Variants in RORC observed in about 807,000 individuals in gnomAD.
RORC encodes RAR related orphan receptor C, also known as nuclear receptor ROR-gamma.
RORC carries 13 observed loss-of-function variants against 64.5 expected under a neutral mutation model. That is an observed-to-expected ratio of 0.20 (90% CI 0.13 to 0.32). The LOEUF is 0.32. RORC is among the 10% of genes least tolerant of loss of function. RORC has a pLI of 1.00. For missense variants in RORC, 468 were observed against 669.5 expected (o/e 0.70, Z 3.32); for synonymous variants, 277 against 259.3 (o/e 1.07, Z -0.65).
At chr1:151,825,565 G>A (rs1308269850) in intron 2 of RORC, among the ~76,000 whole-genome samples, 2 of 152,144 alleles carry the variant, frequency 1.3e-5, no homozygotes, top group Non-Finnish European at 2.9e-5. Context: ...AGTGCGTTCA[G>A]GGCCCCTAGT....
intron 9 of RORC, 94 bp from the exon 10 acceptor site, chr1:151,811,528 A>T: frequency 1.3e-6 from 1 of 747,710 alleles, no homozygotes; most frequent in Non-Finnish European, 2.3e-6. Context: ...TCTGTGCTGG[A>T]TAGAGGTCTT....
chr1:151,829,906 A>G (rs1387041066), intron 1 of RORC, among the ~76,000 whole-genome samples: 1 of 152,208 alleles, frequency 6.6e-6, no homozygotes, highest in Non-Finnish European at 1.5e-5. Flanking sequence ...TAATTGTGTC[A>G]TTGTCTATGA....
chr1:151,828,471 G>A (rs1430961220), intron 2 of RORC, among the ~76,000 whole-genome samples: 3 of 152,168 alleles, frequency 2.0e-5, no homozygotes, highest in African/African-American at 2.4e-5. Context: ...ATTCACTAGC[G>A]TCCACTGGGA....
intron 10 of RORC, among the ~76,000 whole-genome samples, chr1:151,809,271 G>A (rs1430865742): frequency 6.6e-6 from 1 of 152,072 alleles, no homozygotes; most frequent in Non-Finnish European, 1.5e-5. Context: ...TGTAATCCCT[G>A]TAATCCAAGC....
chr1:151,816,468 G>C (rs528596750), intron 4 of RORC, among the ~76,000 whole-genome samples, 196 bp downstream of exon 4: 2 of 152,326 alleles, frequency 1.3e-5, no homozygotes, highest in African/African-American at 4.8e-5. Flanking sequence ...CCTAAAGTTG[G>C]GGACTCCAAA....
intron 2 of RORC, among the ~76,000 whole-genome samples, chr1:151,821,378 C>G (rs536116380): frequency 6.6e-6 from 1 of 152,188 alleles, no homozygotes; most frequent in Middle Eastern, 3.2e-3. Context: ...CCTGGTGCCT[C>G]GTCAATCTAG....
chr1:151,816,764 G>C lies in RORC; in HGVS notation c.198C>G (p.Ser66=), dbSNP rs199891898. The change falls in exon 4 of 11, where the codon TCC becomes TCG. Residue 66 remains serine (S), a synonymous_variant. Coordinates refer to ENST00000318247, the MANE Select transcript of RORC (RefSeq NM_005060.4). ...RRSQRCNAAY[S]CTRQQNCPID... is the part of the protein sequence containing the mutation. ...TGGGGCAGTTCTGCTGACGGGTGCA[G>C]GAGTAGGCCGCGTTACAGCGCTGGC... is the stretch of plus-strand genomic sequence containing the variant. 3.8e-5 allele frequency: 60 copies of C among 1,581,874 alleles called. No homozygotes were observed. Among genetic ancestry groups the C allele is most frequent in the Non-Finnish European group, 5.1e-5 (59 of 1,161,606 alleles).
rs989152008 is a variant in RORC at position 151,814,433 on chromosome 1, A to G, written c.933+141T>C. 13 of 769,862 alleles carry G rather than the reference A, an allele frequency of 1.7e-5. No homozygotes were observed. In the African/African-American group the frequency reaches 2.3e-4, roughly 13 times the overall value. The allele number at this position is 769,862 out of a possible 1,614,324, so 47.7% of individuals were successfully genotyped here. A position where few individuals can be genotyped will look rare whatever the true frequency, so the allele number is the denominator to read the frequency against. ...ACACACATTCGCAACTGTACATAAA[A>G]GGTGTGCACATGCTTGTTGGCCAGC... On this transcript the variant is annotated intron_variant, in intron 6 of 10. Coordinates refer to ENST00000318247, the MANE Select transcript of RORC (RefSeq NM_005060.4).
chr1:151,814,781 C>G, intron 5 of RORC, 86 bp from the exon 6 acceptor site: 1 of 1,549,314 alleles, frequency 6.5e-7, no homozygotes, highest in Non-Finnish European at 8.7e-7. Context: ...CTGGCCTATC[C>G]TGCTCCGCCT....
chr1:151,829,492 G>A (rs1572049213), intron 1 of RORC, 34 bp from the exon 2 acceptor site: 1 of 1,501,966 alleles, frequency 6.7e-7, no homozygotes, highest in Admixed American at 2.6e-5. Context: ...GACGTCAAAG[G>A]TTGAAGATCA....
intron 2 of RORC, among the ~76,000 whole-genome samples, chr1:151,822,036 T>C (rs1011680805): frequency 1.3e-5 from 2 of 152,032 alleles, no homozygotes; most frequent in African/African-American, 4.8e-5. Flanking sequence ...TAGACTAGGT[T>C]TCCATACATC....
chr1:151,824,268 C>T (rs1346551425), intron 2 of RORC, among the ~76,000 whole-genome samples: 1 of 152,144 alleles, frequency 6.6e-6, no homozygotes, highest in Non-Finnish European at 1.5e-5. Flanking sequence ...GAGGCCCTCT[C>T]TCCTACTTCC....
rs1651373485 is a variant in RORC, at chr1:151,807,815, AG to A, written c.1396-183del. On this transcript the variant is annotated intron_variant, in intron 10 of 10. Coordinates refer to ENST00000318247, the MANE Select transcript of RORC (RefSeq NM_005060.4). This position sits in a 1 kb window ranked among gnomAD's most constrained non-coding sequence, Gnocchi z 5.0. Reference sequence around the variant, plus strand: ...GTGTGTGTTCAGGACACTGGAGGGAAGTGAGAGTGGGTGGGGCACAGGTGAA... The same window carrying A: ...GTGTGTGTTCAGGACACTGGAGGGAATGAGAGTGGGTGGGGCACAGGTGAA... Among the ~76,000 whole-genome samples the A allele has an allele frequency of 6.6e-6, 1 of 152,206 alleles. No homozygotes were observed. Among genetic ancestry groups the A allele is most frequent in the Non-Finnish European group, 1.5e-5 (1 of 68,030 alleles).
At chr1:151,817,975 G>A (rs1206834702) in intron 2 of RORC, among the ~76,000 whole-genome samples, 1 of 152,248 alleles carries the variant, frequency 6.6e-6, no homozygotes, top group African/African-American at 2.4e-5. Flanking sequence ...ACATCCGTGT[G>A]TCTGAGTGTG....
intron 4 of RORC, among the ~76,000 whole-genome samples, chr1:151,816,407 A>C (rs1651756864): frequency 6.6e-6 from 1 of 152,236 alleles, no homozygotes; most frequent in African/African-American, 2.4e-5. Context: ...CCAAGTAAGA[A>C]GAGATGAAGA....
At chr1:151,812,873 G>T in intron 9 of RORC, 74 bp downstream of exon 9, 1 of 940,490 alleles carries the variant, frequency 1.1e-6, no homozygotes. Context: ...ACATCTGAAG[G>T]TCTAGACTCT....
At chr1:151,808,943 C>T (rs1029113692) in intron 10 of RORC, among the ~76,000 whole-genome samples, 13 of 152,014 alleles carry the variant, frequency 8.6e-5, no homozygotes, top group Admixed American at 2.6e-4. Context: ...TTGATGTGTT[C>T]GAGGAATAGC....
Position 151,821,284 on chromosome 1 carries a change from C to T in RORC, c.71-4004G>A, listed in dbSNP as rs531907416. Among the ~76,000 whole-genome samples, 6 of 152,148 alleles carry T rather than the reference C, an allele frequency of 3.9e-5. No individual in the cohort carries two copies. The South Asian group carries it at 1.2e-3, about 32-fold the overall frequency. On this transcript the variant is annotated intron_variant, in intron 2 of 10. Transcript: ENST00000318247. Reference sequence around the variant, plus strand: ...GGGCTGCAACCCAGGGGGATCTCTCCTCTCAAACCCCAGAACCACCACCCC... The same window carrying T: ...GGGCTGCAACCCAGGGGGATCTCTCTTCTCAAACCCCAGAACCACCACCCC...
chr1:151,814,836 A>C, intron 5 of RORC, 77 bp downstream of exon 5: 1 of 1,558,450 alleles, frequency 6.4e-7, no homozygotes, highest in Non-Finnish European at 8.7e-7. Flanking sequence ...CCTCAGGCGC[A>C]TGTTTGATTG....
Sources: gnomAD v4.1 joint callset for allele counts (sites outside exome capture counted in the v4.1 genomes callset) on GRCh38, gnomAD v4.1.1 for gene constraint, Gnocchi (gnomAD v3.1) non-coding constraint, MANE v1.5 for transcripts, NCBI Gene and HGNC (gene_info 2026-07-23, HGNC 2026-07-21) for gene names.